Variants in CARS2 observed in about 807,000 individuals in gnomAD.
CARS2 encodes cysteinyl-tRNA synthetase 2, mitochondrial, also known as probable cysteine--tRNA ligase, mitochondrial.
Under a neutral mutation model 68.8 loss-of-function variants are expected in CARS2, and 52 were observed. That is an observed-to-expected ratio of 0.76 (90% CI 0.61 to 0.95). The LOEUF (loss-of-function observed/expected upper bound fraction) is 0.95. Ranked by LOEUF, CARS2 falls within the 40% of genes least tolerant of loss-of-function variation. CARS2 has a pLI of 0.00. For synonymous variants in CARS2, 314 were observed against 303.6 expected, an observed-to-expected ratio of 1.03 and a Z score of -0.36; for missense variants, 780 against 754.2, an observed-to-expected ratio of 1.03 and a Z score of -0.40.
At chr13:110,701,022 T>C (rs922891294) in intron 3 of CARS2, among the ~76,000 whole-genome samples, 1 of 152,216 alleles carries the variant, frequency 6.6e-6, no homozygotes, top group Non-Finnish European at 1.5e-5. Context: ...ACATGGACAA[T>C]AAGATGTGAG....
chr13:110,688,371 A>G (rs2063365864), intron 3 of CARS2, among the ~76,000 whole-genome samples: 1 of 152,184 alleles, frequency 6.6e-6, no homozygotes, highest in Non-Finnish European at 1.5e-5. Context: ...ATCGTTTGAG[A>G]CCATGAGGTT....
chr13:110,664,978 G>A (rs2062609566), intron 8 of CARS2: 1 of 983,084 alleles, frequency 1.0e-6, no homozygotes, highest in South Asian at 4.7e-5. Flanking sequence ...GGCTATAGCA[G>A]CCCTAACAGG....
At chr13:110,689,528 C>G (rs545500155) in intron 3 of CARS2, among the ~76,000 whole-genome samples, 71 of 152,264 alleles carry the variant, frequency 4.7e-4, no homozygotes, top group African/African-American at 1.7e-3. Flanking sequence ...GCGTTGCTAC[C>G]CAGGTGTTGT....
chr13:110,709,723 ATATGTATATACATTATATATATC>A (rs2064011272), upstream of CARS2, among the ~76,000 whole-genome samples: 1 of 151,996 alleles, frequency 6.6e-6, no homozygotes, highest in Non-Finnish European at 1.5e-5. Flanking sequence ...ATAAACATAT[ATATGTATATACATTATATATATC>A]TATATCTCCA....
chr13:110,660,369 T>C (rs2062471147), intron 9 of CARS2, among the ~76,000 whole-genome samples: 1 of 152,246 alleles, frequency 6.6e-6, no homozygotes, highest in Non-Finnish European at 1.5e-5. Context: ...TACATGTTCT[T>C]ACTGGCATCT....
At chr13:110,655,217 C>A (rs532655585) in intron 9 of CARS2, among the ~76,000 whole-genome samples, 1 of 151,688 alleles carries the variant, frequency 6.6e-6, no homozygotes, top group South Asian at 2.1e-4. Context: ...GCACTGCAGC[C>A]TGCAGAGTAC....
In CARS2 at chr13:110,676,369, A is replaced by G. The variant is rs1046591218; in HGVS notation, c.785+605T>C. On this transcript the variant is annotated intron_variant, in intron 7 of 14. Coordinates refer to ENST00000257347, the MANE Select transcript of CARS2 (RefSeq NM_024537.4). This position sits in a 1 kb window ranked among gnomAD's most constrained non-coding sequence, Gnocchi z 4.0. ...CTGAGAGGCAGAAACCAGGACAGAG[A>G]GGGTGTTTCCAGAGTAGGGGATGCC... Among the ~76,000 whole-genome samples, 3 of 152,146 alleles carry G rather than the reference A, an allele frequency of 2.0e-5. No individual in the cohort carries two copies. Among genetic ancestry groups the G allele is most frequent in the Non-Finnish European group, 4.4e-5 (3 of 68,026 alleles).
At chr13:110,682,979 G>T in intron 6 of CARS2, 72 bp downstream of exon 6, 2 of 1,050,964 alleles carry the variant, frequency 1.9e-6, no homozygotes, top group Non-Finnish European at 2.8e-6. Context: ...CTGCGCTCCA[G>T]ATCTCATCTC....
In CARS2 at chr13:110,672,353, G is replaced by A. The variant is rs1001647677; in HGVS notation, c.785+4621C>T. On this transcript the variant is annotated intron_variant, in intron 7 of 14. Coordinates refer to ENST00000257347, the MANE Select transcript of CARS2 (RefSeq NM_024537.4). ...CAGCAAATGTAAAAGAACAGAAATT[G>A]TAACAAACTGTCTCTCAGACCACAG... is the stretch of plus-strand genomic sequence containing the variant. Among the ~76,000 whole-genome samples the A allele has an allele frequency of 3.9e-4, 60 of 152,150 alleles. No individual in the cohort carries two copies. The Middle Eastern group carries it at 0.01, about 26-fold the overall frequency.
intron 9 of CARS2, among the ~76,000 whole-genome samples, chr13:110,654,913 C>A (rs1333541862): frequency 1.5e-5 from 2 of 130,546 alleles, no homozygotes; most frequent in Non-Finnish European, 3.2e-5. Flanking sequence ...GACAGCAAAA[C>A]CCTCTCTCAA....
intron 6 of CARS2, 54 bp from the exon 7 acceptor site, chr13:110,677,157 G>A: frequency 1.3e-6 from 2 of 1,535,538 alleles, no homozygotes; most frequent in Non-Finnish European, 1.8e-6. Context: ...CCCCACCACG[G>A]ATGCTCAGAC....
intron 7 of CARS2, among the ~76,000 whole-genome samples, chr13:110,667,756 C>T (rs1193045003): frequency 6.6e-6 from 1 of 152,028 alleles, no homozygotes; most frequent in Non-Finnish European, 1.5e-5. Flanking sequence ...CAAAAAATTA[C>T]CTTTACTTAC....
rs920844114 is a variant in CARS2, at chr13:110,677,156, G to A, written c.656-53C>T. 30 of 1,533,182 alleles carry A rather than the reference G, an allele frequency of 2.0e-5. No individual in the cohort carries two copies. In the Admixed American group the frequency reaches 3.3e-4, roughly 17 times the overall value. The allele number at this position is 1,533,182 out of a possible 1,614,324, so 95.0% of individuals were successfully genotyped here. The stretch of plus-strand genomic sequence containing the variant: ...GGAAGAAGCTCAGTCACCCCACCAC[G>A]GATGCTCAGACATTCACCCCCACCA... On this transcript the variant is annotated intron_variant, in intron 6 of 14. Coordinates refer to ENST00000257347, the MANE Select transcript of CARS2 (RefSeq NM_024537.4).
chr13:110,697,506 G>C (rs140856291), intron 3 of CARS2, among the ~76,000 whole-genome samples: 1,941 of 152,286 alleles, frequency 0.013, 56 homozygotes, highest in African/African-American at 0.044. Flanking sequence ...GCAGTGGCAC[G>C]ATCTCAGCTC....
chr13:110,694,552 G>A (rs1169840855), intron 3 of CARS2, among the ~76,000 whole-genome samples: 8 of 152,112 alleles, frequency 5.3e-5, no homozygotes, highest in Admixed American at 2.0e-4. Flanking sequence ...CAGGAAAATC[G>A]CTTGAGCCTG....
intron 2 of CARS2, among the ~76,000 whole-genome samples, chr13:110,702,093 G>T (rs1323532135): frequency 6.6e-6 from 1 of 152,110 alleles, no homozygotes; most frequent in African/African-American, 2.4e-5. Flanking sequence ...AACTAAAAGG[G>T]TTTAAAATCT....
intron 6 of CARS2, among the ~76,000 whole-genome samples, chr13:110,679,597 A>AAGAAAGAAAGAAAGAAATAAAGAAAG (rs1312030282): frequency 2.3e-5 from 1 of 43,618 alleles, no homozygotes; most frequent in Non-Finnish European, 6.3e-5. Flanking sequence ...GAAAGAAAGA[A>AAGAAAGAAAGAAAGAAATAAAGAAAG]AGAGAGAGAG....
intron 8 of CARS2, chr13:110,666,354 G>A (rs921326811): frequency 1.0e-6 from 1 of 985,220 alleles, no homozygotes; most frequent in African/African-American, 1.7e-5. Flanking sequence ...TGGGGTGCTG[G>A]ACAACAGCTC....
At chr13:110,695,887 C>A (rs531395830) in intron 3 of CARS2, among the ~76,000 whole-genome samples, 1 of 152,006 alleles carries the variant, frequency 6.6e-6, no homozygotes, top group East Asian at 1.9e-4. Flanking sequence ...ATCAACCCGT[C>A]ATCTACATTA....
Sources: allele counts gnomAD v4.1 joint callset (sites outside exome capture counted in the v4.1 genomes callset), GRCh38; gene constraint gnomAD v4.1.1; non-coding constraint Gnocchi (gnomAD v3.1); transcripts MANE v1.5; gene names NCBI Gene and HGNC (gene_info 2026-07-23, HGNC 2026-07-21).